The following ZNF385D variants were observed in gnomAD, a reference collection of about 807,000 sequenced individuals.
ZNF385D encodes the protein zinc finger protein 659.
Under a neutral mutation model 35.8 loss-of-function variants are expected in ZNF385D, and 15 were observed. The ratio of observed to expected loss-of-function variants is 0.42; its 90% CI spans 0.28 to 0.64. The LOEUF is 0.64. Ranked by LOEUF, ZNF385D falls within the 30% of genes least tolerant of loss-of-function variation. The pLI, the probability that ZNF385D is intolerant of heterozygous loss-of-function variation, is 0.23. For missense variants in ZNF385D, 474 were observed against 494.6 expected (o/e 0.96, Z 0.39); for synonymous variants, 212 against 186.8 (o/e 1.13, Z -1.10).
intron 2 of ZNF385D, among the ~76,000 whole-genome samples, chr3:22,280,225 G>C (rs1026580286): frequency 6.6e-6 from 1 of 151,890 alleles, no homozygotes; most frequent in African/African-American, 2.4e-5. Context: ...TCTATGGCTT[G>C]TCTGTGTACT....
intron 4 of ZNF385D, among the ~76,000 whole-genome samples, chr3:21,493,842 T>C (rs764041336): frequency 2.1e-4 from 32 of 152,142 alleles, no homozygotes; most frequent in Non-Finnish European, 4.0e-4. Flanking sequence ...TCCAAAGCAA[T>C]AATTCCAAGG....
At chr3:21,824,551 ATCC>A (rs930279273) in intron 3 of ZNF385D, among the ~76,000 whole-genome samples, 5 of 152,122 alleles carry the variant, frequency 3.3e-5, no homozygotes, top group Non-Finnish European at 5.9e-5. Context: ...TAGCTAATGT[ATCC>A]TCATCATATA....
intron 3 of ZNF385D, among the ~76,000 whole-genome samples, chr3:21,821,808 T>G (rs906368213): frequency 1.3e-5 from 2 of 151,682 alleles, no homozygotes; most frequent in Non-Finnish European, 2.9e-5. Flanking sequence ...AAAATTTTTT[T>G]TAAATTAACC....
Position 21,532,127 on chromosome 3 carries a change from G to A in ZNF385D, c.277-21104C>T, listed in dbSNP as rs78162307. On this transcript the variant is annotated intron_variant, in intron 3 of 7. Transcript: ENST00000281523. ...TCATGGGAGATAATGCACCTCCTTC[G>A]GATGTGGTTAGGTCTGCCTGTGATG... 3.4e-3 allele frequency among the ~76,000 whole-genome samples: 515 copies of A among 152,140 alleles called. 19 individuals are homozygous for A. The South Asian group carries it at 0.062, about 18-fold the overall frequency.
chr3:21,673,287 C>T (rs2066629713), intron 1 of ZNF385D, among the ~76,000 whole-genome samples: 1 of 152,118 alleles, frequency 6.6e-6, no homozygotes, highest in South Asian at 2.1e-4. Context: ...ACACTAGCCG[C>T]ATTTCAAACG....
intron 3 of ZNF385D, among the ~76,000 whole-genome samples, chr3:22,142,794 A>G (rs1368209788): frequency 4.6e-5 from 7 of 151,976 alleles, no homozygotes; most frequent in Admixed American, 3.3e-4. Flanking sequence ...CTGTTTTCCC[A>G]AGCCTAAGGA....
intron 2 of ZNF385D, among the ~76,000 whole-genome samples, chr3:22,256,716 G>T (rs140310441): frequency 6.6e-6 from 1 of 151,894 alleles, no homozygotes; most frequent in South Asian, 2.1e-4. Context: ...AAATTTTCAG[G>T]TGCCATCTTT....
intron 1 of ZNF385D, among the ~76,000 whole-genome samples, chr3:21,747,957 C>T (rs1480805083): frequency 6.6e-6 from 1 of 152,062 alleles, no homozygotes; most frequent in Non-Finnish European, 1.5e-5. Context: ...CTTGCTTTTA[C>T]AGTAAATCCC....
rs865893574 is a variant in ZNF385D, at chr3:22,110,231, G to A, written c.325+58586C>T. ...CAACCATTGTGGAAGTCAGTGTGGC[G>A]ATTCCTCAGGGATCTAGAACTAGAA... On this transcript the variant is annotated intron_variant, in intron 3 of 5. Coordinates refer to the ZNF385D transcript ENST00000494108. Among the ~76,000 whole-genome samples the A allele has an allele frequency of 5.9e-5, 9 of 152,140 alleles. No homozygotes were observed. In the South Asian group the frequency reaches 8.3e-4, roughly 14 times the overall value.
intron 3 of ZNF385D, among the ~76,000 whole-genome samples, chr3:21,526,678 C>T (rs972148640): frequency 1.3e-5 from 2 of 152,074 alleles, no homozygotes; most frequent in Non-Finnish European, 2.9e-5. Flanking sequence ...TTAGATTTCG[C>T]AACATGTATA....
At chr3:22,249,309 A>T (rs1383513913) in intron 2 of ZNF385D, among the ~76,000 whole-genome samples, 1 of 152,198 alleles carries the variant, frequency 6.6e-6, no homozygotes, top group East Asian at 1.9e-4. Flanking sequence ...AATAAATGTA[A>T]TGCAAACAAT....
At chr3:21,758,365 C>A (rs764885542) in intron 3 of ZNF385D, among the ~76,000 whole-genome samples, 13 of 152,120 alleles carry the variant, frequency 8.5e-5, no homozygotes, top group Non-Finnish European at 1.3e-4. Flanking sequence ...CAGACATTGC[C>A]TATGATTTAG....
At chr3:21,654,607 G>A (rs1289254055) in intron 2 of ZNF385D, among the ~76,000 whole-genome samples, 1 of 151,958 alleles carries the variant, frequency 6.6e-6, no homozygotes, top group Non-Finnish European at 1.5e-5. Context: ...AACAATCTTT[G>A]CTGAAGGACC....
chr3:22,034,077 G>A (rs1374470603), intron 3 of ZNF385D, among the ~76,000 whole-genome samples: 1 of 152,114 alleles, frequency 6.6e-6, no homozygotes, highest in Non-Finnish European at 1.5e-5. Flanking sequence ...TATCAGGATA[G>A]TACATTATAT....
chr3:21,939,193 A>G (rs925347250), intron 3 of ZNF385D, among the ~76,000 whole-genome samples: 3 of 152,206 alleles, frequency 2.0e-5, no homozygotes. Flanking sequence ...AATACCAACT[A>G]TGATCATTAC....
At chr3:21,838,327 G>C (rs1038483867) in intron 3 of ZNF385D, among the ~76,000 whole-genome samples, 2 of 152,082 alleles carry the variant, frequency 1.3e-5, no homozygotes, top group Non-Finnish European at 2.9e-5. Context: ...GGATCTGGGA[G>C]ATAAGTATAG....
intron 2 of ZNF385D, among the ~76,000 whole-genome samples, chr3:22,210,779 G>A (rs1697468254): frequency 6.6e-6 from 1 of 151,876 alleles, no homozygotes; most frequent in Non-Finnish European, 1.5e-5. Flanking sequence ...TATGGAACAA[G>A]AGCTTGTTCC....
At chr3:22,253,211 G>A (rs1700148570) in intron 2 of ZNF385D, among the ~76,000 whole-genome samples, 1 of 151,952 alleles carries the variant, frequency 6.6e-6, no homozygotes, top group African/African-American at 2.4e-5. Flanking sequence ...GTTTGAGGGA[G>A]ACTTAGAAAG....
At chr3:21,755,720 A>C (rs1176333101), upstream of ZNF385D, among the ~76,000 whole-genome samples, 1 of 152,198 alleles carries the variant, frequency 6.6e-6, no homozygotes, top group Non-Finnish European at 1.5e-5. Context: ...TAACTCCATG[A>C]CCTCATACAA....
Sources: allele counts gnomAD v4.1 joint callset (sites outside exome capture counted in the v4.1 genomes callset), GRCh38; gene constraint gnomAD v4.1.1; transcripts MANE v1.5; gene names NCBI Gene and HGNC (gene_info 2026-07-23, HGNC 2026-07-21).